EXOC5: variants seen among roughly 807,000 people sequenced by gnomAD.
EXOC5 encodes the protein exocyst complex component 5, also known as SEC10-like 1.
In EXOC5, 17 loss-of-function variants were observed where a neutral mutation model predicts 90.8. That is an observed-to-expected ratio of 0.19 (90% CI 0.13 to 0.28). The LOEUF (loss-of-function observed/expected upper bound fraction) is 0.28, where lower values mean the gene tolerates loss of function less well. EXOC5 is among the 10% of genes least tolerant of loss of function. The pLI is 1.00. For missense variants in EXOC5, 569 were observed against 830.6 expected (o/e 0.69, Z 3.87); for synonymous variants, 260 against 270.0 (o/e 0.96, Z 0.36).
chr14:57,239,729 G>T, intron 4 of EXOC5, 70 bp from the exon 5 acceptor site: 1 of 906,572 alleles, frequency 1.1e-6, no homozygotes, highest in Non-Finnish European at 1.7e-6. Context: ...TTATATATCT[G>T]AAATTAGTAA....
In EXOC5 at chr14:57,233,762, A is replaced by G; in HGVS notation, c.836T>C (p.Val279Ala). 6.4e-7 allele frequency: 1 copy of G among 1,573,938 alleles called. No homozygotes were observed. Among genetic ancestry groups the G allele is most frequent in the Non-Finnish European group, 8.7e-7 (1 of 1,145,870 alleles). Reference protein sequence around the residue: ...ETVLAKLIQNVFEIKLQSFVK... With the variant: ...ETVLAKLIQNAFEIKLQSFVK... The stretch of plus-strand genomic sequence containing the variant: ...AATTACCTGTAGTTTGATTTCAAAT[A>G]CATTTTGAATAAGTTTAGCCAGGAC... The change falls in exon 9 of 18, where the codon GTA (valine) becomes GCA (alanine). Residue 279 changes from valine (V) to alanine (A), a missense_variant. Coordinates refer to ENST00000621441, the MANE Select transcript of EXOC5 (RefSeq NM_006544.4).
In EXOC5 at chr14:57,250,515, T is replaced by G. The variant is rs539930980; in HGVS notation, c.28-2803A>C. ...AAATATGCAAATATTTTGAAGTCTA[T>G]TGGATATACGGTGCTAGTTGGCACT... On this transcript the variant is annotated intron_variant, in intron 1 of 17. Coordinates refer to ENST00000621441, the MANE Select transcript of EXOC5 (RefSeq NM_006544.4). Among the ~76,000 whole-genome samples, 7 of 152,300 alleles carry G rather than the reference T, an allele frequency of 4.6e-5. No homozygotes were observed. The South Asian group carries it at 1.2e-3, about 27-fold the overall frequency.
intron 1 of EXOC5, among the ~76,000 whole-genome samples, chr14:57,265,575 A>G (rs1048252930): frequency 6.6e-6 from 1 of 152,190 alleles, no homozygotes; most frequent in Non-Finnish European, 1.5e-5. Context: ...ATTTTTAAAA[A>G]TCAGCTGGGC....
At chr14:57,243,605 T>C (rs1171500573) in intron 4 of EXOC5, 4 of 152,396 alleles carry the variant, frequency 2.6e-5, no homozygotes, top group South Asian at 2.1e-4. Flanking sequence ...GCCAATACCA[T>C]GTACCCTTAG....
chr14:57,255,730 G>A (rs1287644809), intron 1 of EXOC5, among the ~76,000 whole-genome samples: 1 of 151,968 alleles, frequency 6.6e-6, no homozygotes, highest in African/African-American at 2.4e-5. Flanking sequence ...TACTCGGGAA[G>A]CTGAGGTAGG....
rs552872741 is a variant in EXOC5 at position 57,262,538 on chromosome 14, A to G, written c.27+6084T>C. 2.6e-4 allele frequency among the ~76,000 whole-genome samples: 37 copies of G among 143,846 alleles called. No individual in the cohort carries two copies. The South Asian group carries it at 5.0e-3, about 19-fold the overall frequency. The allele number at this position is 143,846 out of a possible 152,430, so 94.4% of individuals were successfully genotyped here. Reference sequence around the variant, plus strand: ...CTAAAAACTCAAAGTGTAAATACATATGTGTGTGTGTGTGTGTGTGTGTGT... The same window carrying G: ...CTAAAAACTCAAAGTGTAAATACATGTGTGTGTGTGTGTGTGTGTGTGTGT... On this transcript the variant is annotated intron_variant, in intron 1 of 17. Transcript: ENST00000621441.
At chr14:57,216,610 T>A (rs1309977863) in intron 15 of EXOC5, among the ~76,000 whole-genome samples, 26 of 152,158 alleles carry the variant, frequency 1.7e-4, no homozygotes, top group Admixed American at 1.7e-3. Flanking sequence ...AATGACACCC[T>A]TATCTTATAC....
intron 2 of EXOC5, 131 bp downstream of exon 2, chr14:57,247,487 G>A (rs115680818): frequency 4.3e-6 from 2 of 468,064 alleles, no homozygotes; most frequent in Admixed American, 4.0e-5. Flanking sequence ...CTGTTGTATT[G>A]TCTTTTATTG....
Position 57,268,476 on chromosome 14 carries a change from G to C in EXOC5, c.27+146C>G, listed in dbSNP as rs1884762256. 78 of 1,419,800 alleles carry C rather than the reference G, an allele frequency of 5.5e-5. 2 individuals carry two copies. The South Asian group carries it at 7.5e-4, about 14-fold the overall frequency. The allele number at this position is 1,419,800 out of a possible 1,614,324, so 88.0% of individuals were successfully genotyped here. A position where few individuals can be genotyped will look rare whatever the true frequency, so the allele number is the denominator to read the frequency against. ...TTTCACGCTCCGCCCGCGCTGACAC[G>C]GAGCTGCCACCCCAACCCTTCTGTT... On this transcript the variant is annotated intron_variant, in intron 1 of 17. Transcript: ENST00000621441.
chr14:57,228,945 A>G (rs1013765938), intron 12 of EXOC5, among the ~76,000 whole-genome samples: 1 of 151,562 alleles, frequency 6.6e-6, no homozygotes, highest in Non-Finnish European at 1.5e-5. Context: ...TTTTGCTAGT[A>G]GTATCATTTA....
chr14:57,235,020 A>C lies in EXOC5; in HGVS notation c.669+691T>G, dbSNP rs141812271. Among the ~76,000 whole-genome samples the C allele has an allele frequency of 4.2e-3, 644 of 152,298 alleles. 7 individuals are homozygous for C. The highest frequency in any genetic ancestry group is 0.034 in the Middle Eastern group (10 of 294). ...CACCATAATGAGATTTTTGCCTATT[A>C]ATAAATCATACATAAAAACCAGTAA... is the stretch of plus-strand genomic sequence containing the variant. On this transcript the variant is annotated intron_variant, in intron 7 of 17. Transcript: ENST00000621441.
intron 2 of EXOC5, among the ~76,000 whole-genome samples, 155 bp downstream of exon 2, chr14:57,247,463 A>C (rs1884064605): frequency 6.6e-6 from 1 of 152,152 alleles, no homozygotes; most frequent in Admixed American, 6.5e-5. Context: ...AAAAAATCTC[A>C]AACTTTTAAT....
rs1404043851 is a variant in EXOC5 at position 57,229,836 on chromosome 14, T to C, written c.1194A>G (p.Pro398=). The C allele has an allele frequency of 1.3e-6, 2 of 1,523,102 alleles. No homozygotes were observed. Among genetic ancestry groups the C allele is most frequent in the Admixed American group, 2.0e-5 (1 of 50,772 alleles). 94.3% of individuals were successfully genotyped at this position (1,523,102 alleles called of 1,614,324 possible). A position where few individuals can be genotyped will look rare whatever the true frequency, so the allele number is the denominator to read the frequency against. Residue 398 remains proline, a synonymous_variant, in exon 12 of 18, where the codon CCA becomes CCG. Coordinates refer to ENST00000621441, the MANE Select transcript of EXOC5 (RefSeq NM_006544.4). ...KERIRQRTNL[P]LGPSIDTHGE... ...CATGAGTATCGATACTTGGCCCAAG[T>C]GGTAAGTTGGTACGCTGTCTAATTC...
At chr14:57,229,662 G>A in intron 12 of EXOC5, 72 bp downstream of exon 12, 1 of 1,169,952 alleles carries the variant, frequency 8.5e-7, no homozygotes, top group Non-Finnish European at 1.1e-6. Context: ...ATCCTCGGAG[G>A]TTCTGGAATC....
rs1262916522 is a variant in EXOC5, at chr14:57,203,883, G to C, written c.*4726C>G. 1 of 152,574 alleles carries C rather than the reference G, an allele frequency of 6.6e-6. No homozygotes were observed. The highest frequency in any genetic ancestry group is 2.4e-5 in the African/African-American group (1 of 41,444). 9.5% of individuals were successfully genotyped at this position (152,574 alleles called of 1,614,324 possible). On this transcript the variant is annotated 3_prime_UTR_variant, in exon 18 of 18. Transcript: ENST00000621441. ...TTATCAGCAGCATGATGTTGACCAT[G>C]TTCTAATCCATTCCACCTGCTCAAA...
At chr14:57,256,455 G>A (rs896498533) in intron 1 of EXOC5, among the ~76,000 whole-genome samples, 1 of 152,154 alleles carries the variant, frequency 6.6e-6, no homozygotes, top group African/African-American at 2.4e-5. Flanking sequence ...TCCGAGACCA[G>A]CTATAGCAGT....
intron 13 of EXOC5, among the ~76,000 whole-genome samples, chr14:57,221,531 T>C (rs1409172861): frequency 6.6e-6 from 1 of 152,166 alleles, no homozygotes; most frequent in Non-Finnish European, 1.5e-5. Flanking sequence ...TCAGTGAAGA[T>C]GGAGAAGAGT....
chr14:57,251,189 C>A (rs1223538604), intron 1 of EXOC5, among the ~76,000 whole-genome samples: 1 of 152,168 alleles, frequency 6.6e-6, no homozygotes. Context: ...TAGCAGCTAC[C>A]CAGGTCCCAC....
At chr14:57,256,342 T>C (rs1224072976) in intron 1 of EXOC5, among the ~76,000 whole-genome samples, 1 of 152,038 alleles carries the variant, frequency 6.6e-6, no homozygotes, top group African/African-American at 2.4e-5. Flanking sequence ...AAAAAGGGTA[T>C]TATAACCAGT....
Sources: allele counts gnomAD v4.1 joint callset (sites outside exome capture counted in the v4.1 genomes callset), GRCh38; gene constraint gnomAD v4.1.1; transcripts MANE v1.5; gene names NCBI Gene and HGNC (gene_info 2026-07-23, HGNC 2026-07-21).